MIR2052HG: variants seen among roughly 807,000 people sequenced by gnomAD.
The protein encoded by MIR2052HG is MIR2052 host gene.
intron 6 of MIR2052HG, chr8:74,758,237 A>G (rs879734953): frequency 1.3e-5 from 2 of 152,062 alleles, no homozygotes; most frequent in African/African-American, 2.4e-5. Flanking sequence ...ATATCTTAAA[A>G]TTTCATGTAT....
chr8:74,680,612 G>A (rs1439421250), intron 2 of MIR2052HG, among the ~76,000 whole-genome samples: 3 of 152,160 alleles, frequency 2.0e-5, no homozygotes, highest in Non-Finnish European at 2.9e-5. Flanking sequence ...TACACTGTTG[G>A]TGGGACTGTA....
chr8:74,685,123 G>C (rs1173216228), intron 2 of MIR2052HG, among the ~76,000 whole-genome samples: 1 of 152,012 alleles, frequency 6.6e-6, no homozygotes. Context: ...TATAATATCT[G>C]ATATTTGACA....
At chr8:74,684,785 C>T (rs753665900) in intron 2 of MIR2052HG, among the ~76,000 whole-genome samples, 4 of 151,980 alleles carry the variant, frequency 2.6e-5, no homozygotes, top group Non-Finnish European at 5.9e-5. Flanking sequence ...AAGGTGTGTT[C>T]AAGTGAGATT....
intron 4 of MIR2052HG, among the ~76,000 whole-genome samples, chr8:74,733,294 A>C (rs1809713998): frequency 6.6e-6 from 1 of 151,544 alleles, no homozygotes; most frequent in South Asian, 2.1e-4. Flanking sequence ...ATGTGTTCTC[A>C]TTATTCAATT....
intron 5 of MIR2052HG, chr8:74,757,835 C>T (rs942167014): frequency 1.3e-5 from 2 of 152,066 alleles, no homozygotes; most frequent in Non-Finnish European, 2.9e-5. Context: ...AGATTTTAAC[C>T]TCTAGCCTGC....
At chr8:74,680,473 C>A (rs1250513038) in intron 2 of MIR2052HG, among the ~76,000 whole-genome samples, 3 of 152,148 alleles carry the variant, frequency 2.0e-5, no homozygotes, top group Admixed American at 6.5e-5. Context: ...TGCTCACCAT[C>A]ACTGGCCATC....
At chr8:74,607,331 G>A (rs1000950177) in intron 1 of MIR2052HG, among the ~76,000 whole-genome samples, 2 of 152,146 alleles carry the variant, frequency 1.3e-5, no homozygotes, top group African/African-American at 4.8e-5. Flanking sequence ...CACATAACAG[G>A]CCAGGCATGG....
intron 2 of MIR2052HG, among the ~76,000 whole-genome samples, chr8:74,664,885 C>T (rs994533623): frequency 3.3e-5 from 5 of 152,208 alleles, no homozygotes; most frequent in Non-Finnish European, 7.3e-5. Flanking sequence ...TAATTGATTT[C>T]AATCCACCAC....
At chr8:74,671,619 C>T (rs1022605216) in intron 2 of MIR2052HG, among the ~76,000 whole-genome samples, 9 of 151,980 alleles carry the variant, frequency 5.9e-5, no homozygotes, top group African/African-American at 2.2e-4. Flanking sequence ...AGTTGGAACC[C>T]GGGGTTGTTT....
At chr8:74,729,125 C>T (rs1809665353) in intron 4 of MIR2052HG, among the ~76,000 whole-genome samples, 4 of 152,200 alleles carry the variant, frequency 2.6e-5, no homozygotes. Context: ...CTGGCTCCAA[C>T]AATCACATCA....
chr8:74,719,072 A>G (rs1017945825), intron 4 of MIR2052HG, among the ~76,000 whole-genome samples: 3 of 113,870 alleles, frequency 2.6e-5, no homozygotes, highest in African/African-American at 1.2e-4. Context: ...ATATCCGTGT[A>G]CATCTTTTTT....
At chr8:74,673,887 G>GTATATATA (rs61228134) in intron 2 of MIR2052HG, among the ~76,000 whole-genome samples, 4,005 of 121,482 alleles carry the variant, frequency 0.033, 128 homozygotes, top group African/African-American at 0.043. Flanking sequence ...GTATTTTTTT[G>GTATATATA]TATATATATA....
rs1226166300 is a variant in MIR2052HG at position 74,685,038 on chromosome 8, G to A, written n.217-17341G>A. ...AGATTATCTGAGACTCATAATCTTT[G>A]CCTGTAAAATGAGGATTATGTCATC... On this transcript the variant is annotated intron_variant and non_coding_transcript_variant, in intron 2 of 6. Transcript: ENST00000523442. 3.9e-5 allele frequency among the ~76,000 whole-genome samples: 6 copies of A among 152,116 alleles called. No homozygotes were observed. In the South Asian group the frequency reaches 1.2e-3, roughly 32 times the overall value.
At chr8:74,616,841 T>G (rs1237962234) in intron 2 of MIR2052HG, among the ~76,000 whole-genome samples, 1 of 152,124 alleles carries the variant, frequency 6.6e-6, no homozygotes, top group East Asian at 1.9e-4. Flanking sequence ...CATGGCTAAA[T>G]CTAATGGTTA....
At chr8:74,706,291 A>G (rs576310622) in intron 4 of MIR2052HG, among the ~76,000 whole-genome samples, 2 of 152,268 alleles carry the variant, frequency 1.3e-5, no homozygotes, top group East Asian at 3.9e-4. Context: ...TAGCAGTGGC[A>G]TTGCCAAGGT....
chr8:74,621,729 A>C (rs1177243894), intron 2 of MIR2052HG, among the ~76,000 whole-genome samples: 2 of 152,312 alleles, frequency 1.3e-5, no homozygotes, highest in Admixed American at 1.3e-4. Flanking sequence ...ACAGAGCCAA[A>C]CCATGTCACC....
At chr8:74,614,366 G>T (rs1586889565) in intron 2 of MIR2052HG, among the ~76,000 whole-genome samples, 2 of 152,088 alleles carry the variant, frequency 1.3e-5, no homozygotes, top group East Asian at 3.9e-4. Flanking sequence ...TCTTCTACCT[G>T]TTCTCTAAGA....
At chr8:74,675,066 TTTAC>T (rs1191050145) in intron 2 of MIR2052HG, among the ~76,000 whole-genome samples, 1 of 152,044 alleles carries the variant, frequency 6.6e-6, no homozygotes, top group Non-Finnish European at 1.5e-5. Flanking sequence ...ATTGAACAAA[TTTAC>T]TGAAAACCTC....
At chr8:74,676,808 C>A (rs1214190454) in intron 2 of MIR2052HG, among the ~76,000 whole-genome samples, 1 of 151,916 alleles carries the variant, frequency 6.6e-6, no homozygotes. Context: ...TTACAACACA[C>A]ACATACGAAA....
Sources: allele counts gnomAD v4.1 joint callset (sites outside exome capture counted in the v4.1 genomes callset), GRCh38; gene constraint gnomAD v4.1.1; transcripts MANE v1.5; gene names NCBI Gene and HGNC (gene_info 2026-07-23, HGNC 2026-07-21).